Variants in ZNF525 observed in about 807,000 individuals in gnomAD.
The protein encoded by ZNF525 is zinc finger protein 525.
In ZNF525, 33 loss-of-function variants were observed where a neutral mutation model predicts 37.6. That is an observed-to-expected ratio of 0.88 (90% confidence interval 0.67 to 1.17). ZNF525 has a LOEUF of 1.17. Ranked by LOEUF, ZNF525 falls within the 50% of genes most tolerant of loss-of-function variation. ZNF525 has a pLI of 0.00. For missense variants in ZNF525, 449 were observed against 543.1 expected (o/e 0.83, Z 1.72); for synonymous variants, 170 against 182.3 (o/e 0.93, Z 0.54).
chr19:53,371,466 G>T (rs1043579260), intron 1 of ZNF525, among the ~76,000 whole-genome samples: 5 of 152,162 alleles, frequency 3.3e-5, no homozygotes, highest in African/African-American at 9.6e-5. Context: ...CCACCTCCAG[G>T]GTTCAAGCGA....
At position 53,386,357 on chromosome 19, in the gene ZNF525, G is replaced by A. The variant is rs2085607243; in HGVS notation, c.*4338G>A. ...AAAATCAGGTACGACTCCAAAAGGAGACATTGGAGAAGAACCAAGCTGGGT... is the reference window on the plus strand; with the variant it reads ...AAAATCAGGTACGACTCCAAAAGGAAACATTGGAGAAGAACCAAGCTGGGT... On this transcript the variant is annotated 3_prime_UTR_variant, in exon 4 of 4. Transcript: ENST00000474037. 1.2e-6 allele frequency: 1 copy of A among 852,360 alleles called. No homozygotes were observed. The highest frequency in any genetic ancestry group is 2.0e-6 in the Non-Finnish European group (1 of 505,576). The allele number at this position is 852,360 out of a possible 1,614,324, so 52.8% of individuals were successfully genotyped here. A position where few individuals can be genotyped will look rare whatever the true frequency, so the allele number is the denominator to read the frequency against.
intron 1 of ZNF525, among the ~76,000 whole-genome samples, chr19:53,370,631 G>A (rs1332543150): frequency 6.6e-6 from 1 of 151,960 alleles, no homozygotes; most frequent in Non-Finnish European, 1.5e-5. Flanking sequence ...TCTGGGAGAG[G>A]GGAGTGCCCA....
In ZNF525 at chr19:53,384,070, A is replaced by G. The variant is rs1457155170; in HGVS notation, c.*2051A>G. 5.9e-6 allele frequency: 3 copies of G among 507,130 alleles called. No homozygotes were observed. Among genetic ancestry groups the G allele is most frequent in the African/African-American group, 3.9e-5 (2 of 51,134 alleles). 31.4% of individuals were successfully genotyped at this position (507,130 alleles called of 1,614,324 possible). On this transcript the variant is annotated 3_prime_UTR_variant, in exon 4 of 4. Coordinates refer to ENST00000474037, the MANE Select transcript of ZNF525 (RefSeq NM_001348156.2). ...TTCATTTTTCAGGTAATTGTTCCCA[A>G]TGCAATGAATATAGCAAACCATCAA...
chr19:53,386,206 G>A lies in ZNF525; in HGVS notation c.*4187G>A, dbSNP rs2085605796. 1.6e-6 allele frequency: 1 copy of A among 617,628 alleles called. No individual in the cohort carries two copies. Among genetic ancestry groups the A allele is most frequent in the African/African-American group, 1.9e-5 (1 of 53,464 alleles). 38.3% of individuals were successfully genotyped at this position (617,628 alleles called of 1,614,324 possible). ...CTTCTCTTCCATTCTTTGCCATCGT[G>A]GTGTGTGCTTGACTCTGCTTCTTGC... On this transcript the variant is annotated 3_prime_UTR_variant, in exon 4 of 4. Transcript: ENST00000474037.
At chr19:53,373,615 C>T (rs1448170453) in intron 2 of ZNF525, among the ~76,000 whole-genome samples, 1 of 151,862 alleles carries the variant, frequency 6.6e-6, no homozygotes, top group African/African-American at 2.4e-5. Flanking sequence ...ATTTCTGTAT[C>T]GTTATGAGAC....
intron 1 of ZNF525, among the ~76,000 whole-genome samples, chr19:53,367,324 TAA>T (rs202066843): frequency 2.0e-5 from 3 of 151,066 alleles, no homozygotes; most frequent in South Asian, 2.1e-4. Context: ...TTTTTTTTTT[TAA>T]ATTTCTGCTT....
intron 1 of ZNF525, among the ~76,000 whole-genome samples, chr19:53,370,460 G>A (rs1012857346): frequency 1.3e-5 from 2 of 149,074 alleles, no homozygotes; most frequent in Non-Finnish European, 3.0e-5. Context: ...ACTCATCTCA[G>A]ACCTTCTCAG....
At chr19:53,366,605 G>C (rs1278733009) in intron 1 of ZNF525, among the ~76,000 whole-genome samples, 1 of 151,610 alleles carries the variant, frequency 6.6e-6, no homozygotes, top group Non-Finnish European at 1.5e-5. Flanking sequence ...AGAAAAGCTA[G>C]ATGTACAGAG....
chr19:53,375,315 C>T lies in ZNF525; in HGVS notation c.16-455C>T, dbSNP rs574108087. Among the ~76,000 whole-genome samples the T allele has an allele frequency of 2.0e-5, 3 of 152,200 alleles. No homozygotes were observed. The East Asian group carries it at 5.8e-4, about 29-fold the overall frequency. ...CAAAAGTTTCTGCGCCAGGCAGGGC[C>T]CAGAATTGGGCCTGCAATTCCAGCA... On this transcript the variant is annotated intron_variant, in intron 2 of 3. Transcript: ENST00000474037.
In ZNF525 at chr19:53,383,546, C is replaced by A; in HGVS notation, c.*1527C>A. The A allele has an allele frequency of 3.5e-6, 5 of 1,410,030 alleles. No homozygotes were observed. Among genetic ancestry groups the A allele is most frequent in the Non-Finnish European group, 4.8e-6 (5 of 1,032,790 alleles). The allele number at this position is 1,410,030 out of a possible 1,614,324, so 87.3% of individuals were successfully genotyped here. ...ACACCTGGCACAACATCCCAGAGTT[C>A]ACACTGGAGAGAAACCTTACAAGTG... On this transcript the variant is annotated 3_prime_UTR_variant, in exon 4 of 4. Coordinates refer to ENST00000474037, the MANE Select transcript of ZNF525 (RefSeq NM_001348156.2).
intron 1 of ZNF525, among the ~76,000 whole-genome samples, chr19:53,370,078 A>G (rs1310754624): frequency 6.6e-6 from 1 of 151,490 alleles, no homozygotes; most frequent in African/African-American, 2.4e-5. Flanking sequence ...TTTCAAGGAT[A>G]GGGGTGATAA....
chr19:53,375,956 T>TC, intron 3 of ZNF525, 60 bp downstream of exon 3: 9 of 1,610,510 alleles, frequency 5.6e-6, no homozygotes, highest in Non-Finnish European at 7.6e-6. Context: ...GTATTTTCTC[T>TC]TTTTTTAGAT....
At chr19:53,373,753 C>T (rs1464908145) in intron 2 of ZNF525, among the ~76,000 whole-genome samples, 1 of 151,194 alleles carries the variant, frequency 6.6e-6, no homozygotes, top group Non-Finnish European at 1.5e-5. Flanking sequence ...ACCTGGGAAG[C>T]GGAGGTTGCA....
At chr19:53,366,863 G>C (rs59746335) in intron 1 of ZNF525, among the ~76,000 whole-genome samples, 1 of 151,446 alleles carries the variant, frequency 6.6e-6, no homozygotes, top group African/African-American at 2.4e-5. Flanking sequence ...ATGGTGTTGC[G>C]GGAAACTGAG....
rs774091401 is a variant in ZNF525, at chr19:53,381,033, C to G, written c.454C>G (p.His152Asp). 3.2e-6 allele frequency: 5 copies of G among 1,562,798 alleles called. No individual in the cohort carries two copies. The highest frequency in any genetic ancestry group is 4.4e-6 in the Non-Finnish European group (5 of 1,133,456). The change falls in exon 4 of 4, where the codon CAC (histidine) becomes GAC (aspartate). Residue 152 changes from histidine (H) to aspartate (D), a missense_variant. By Grantham distance (81) the His-to-Asp change is moderately conservative. This residue lies in a region of ZNF525 where 271 missense variants were observed against 381.6 expected (regional missense o/e 0.71). Coordinates refer to ENST00000474037, the MANE Select transcript of ZNF525 (RefSeq NM_001348156.2). ...CTTTCATTCACATCTGTCTGAACTCCACATATTTCAGCCCAAAGGGAAAAT... is the reference window on the plus strand; with the variant it reads ...CTTTCATTCACATCTGTCTGAACTCGACATATTTCAGCCCAAAGGGAAAAT... ...SSFHSHLSEL[H>D]IFQPKGKINN...
intron 1 of ZNF525, among the ~76,000 whole-genome samples, chr19:53,370,413 CAAAA>C (rs202164037): frequency 3.3e-4 from 39 of 118,234 alleles, no homozygotes; most frequent in Admixed American, 3.5e-4. Context: ...GACTCCATGT[CAAAA>C]AAAAAAAAAA....
At position 53,378,462 on chromosome 19, in the gene ZNF525, G is replaced by A. The variant is rs117054661; in HGVS notation, c.143-2260G>A. ...AAAGTGAGACTACAGGCTGAGGCGGGAGAATCTCTTGAGGCAGGAGAATCG... is the reference window on the plus strand; with the variant it reads ...AAAGTGAGACTACAGGCTGAGGCGGAAGAATCTCTTGAGGCAGGAGAATCG... On this transcript the variant is annotated intron_variant, in intron 3 of 3. Transcript: ENST00000474037. Among the ~76,000 whole-genome samples, 1,300 of 152,232 alleles carry A rather than the reference G, an allele frequency of 8.5e-3. 10 individuals are homozygous for A. Among genetic ancestry groups the A allele is most frequent in the Middle Eastern group, 0.017 (5 of 294 alleles).
Position 53,383,551 on chromosome 19 carries a change from T to C in ZNF525, c.*1532T>C, listed in dbSNP as rs1390983456. The stretch of plus-strand genomic sequence containing the variant: ...TGGCACAACATCCCAGAGTTCACAC[T>C]GGAGAGAAACCTTACAAGTGTAATG... On this transcript the variant is annotated 3_prime_UTR_variant, in exon 4 of 4. Transcript: ENST00000474037. The C allele has an allele frequency of 5.7e-5, 82 of 1,441,822 alleles. No individual in the cohort carries two copies. Among genetic ancestry groups the C allele is most frequent in the Non-Finnish European group, 7.2e-5 (76 of 1,061,498 alleles). The allele number at this position is 1,441,822 out of a possible 1,614,324, so 89.3% of individuals were successfully genotyped here.
intron 1 of ZNF525, among the ~76,000 whole-genome samples, chr19:53,368,484 G>A (rs1315516989): frequency 6.6e-6 from 1 of 152,174 alleles, no homozygotes; most frequent in Non-Finnish European, 1.5e-5. Flanking sequence ...TGCTTTGGGG[G>A]AAGAGTCAGT....
Sources: allele counts gnomAD v4.1 joint callset (sites outside exome capture counted in the v4.1 genomes callset), GRCh38; gene constraint gnomAD v4.1.1; regional missense constraint gnomAD v4.1.1; transcripts MANE v1.5; gene names NCBI Gene and HGNC (gene_info 2026-07-23, HGNC 2026-07-21).